Variants in SPNS3 observed in about 807,000 individuals in gnomAD.
SPNS3 encodes SPNS lysolipid transporter 3, sphingosine-1-phosphate (putative).
SPNS3 carries 51 observed loss-of-function variants against 54.4 expected under a neutral mutation model. That is an observed-to-expected ratio of 0.94 (90% confidence interval 0.75 to 1.18). The LOEUF is 1.18. Among genes scored for constraint, SPNS3 ranks in the 50% most tolerant of loss-of-function variants. SPNS3 has a pLI of 0.00. For synonymous variants in SPNS3, 309 were observed against 294.7 expected (o/e 1.05, Z -0.50); for missense variants, 669 against 677.4 (o/e 0.99, Z 0.14).
At chr17:4,434,191 G>A (rs753894108) in intron 1 of SPNS3, 25 bp downstream of exon 1, 3 of 1,587,704 alleles carry the variant, frequency 1.9e-6, no homozygotes, top group African/African-American at 1.4e-5. Flanking sequence ...GCTACCCTGG[G>A]CAGTACCTGC....
intron 8 of SPNS3, among the ~76,000 whole-genome samples, chr17:4,462,806 AATCT>A (rs1425236659): frequency 6.7e-5 from 3 of 44,796 alleles, no homozygotes; most frequent in Admixed American, 2.5e-4. Context: ...TCCATCCACC[AATCT>A]ATCCATCCAT....
chr17:4,476,337 A>C (rs564651269), intron 8 of SPNS3, among the ~76,000 whole-genome samples: 3 of 152,176 alleles, frequency 2.0e-5, no homozygotes, highest in Admixed American at 2.0e-4. Flanking sequence ...CCTCCCTCTG[A>C]TGGGCTCTAT....
In SPNS3 at chr17:4,478,477, G is replaced by T. The variant is rs1484282400; in HGVS notation, c.1114-95G>T. The T allele has an allele frequency of 2.9e-5, 32 of 1,100,178 alleles. No individual in the cohort carries two copies. The South Asian group carries it at 4.3e-4, about 15-fold the overall frequency. The allele number at this position is 1,100,178 out of a possible 1,614,324, so 68.2% of individuals were successfully genotyped here. On this transcript the variant is annotated intron_variant, in intron 8 of 11. Transcript: ENST00000355530. The stretch of plus-strand genomic sequence containing the variant: ...AGTCTCAATAATGCCTTTCTCTGTA[G>T]CGTCCCAGTCTCTCCTCTCCACAGG...
chr17:4,448,206 C>T lies in SPNS3; in HGVS notation c.673C>T (p.Pro225Ser), dbSNP rs1357033682. 1 of 1,605,430 alleles carries T rather than the reference C, an allele frequency of 6.2e-7. No homozygotes were observed. Among genetic ancestry groups the T allele is most frequent in the Admixed American group, 1.7e-5 (1 of 58,538 alleles). The change falls in exon 6 of 12, where the codon CCA (proline) becomes TCA (serine). Residue 225 changes from proline (P) to serine (S), a missense_variant. By Grantham distance (74) the Pro-to-Ser change is moderately conservative. Coordinates refer to ENST00000355530, the MANE Select transcript of SPNS3 (RefSeq NM_182538.5). ...CTTGATCCTGCTTATCCTGCTGGTT[C>T]CAGACCCACCCCGGGGAGCTGCCGA... ...VALILLILLV[P>S]DPPRGAAETQ...
chr17:4,450,856 C>T (rs1000153229), intron 7 of SPNS3, among the ~76,000 whole-genome samples: 2 of 151,518 alleles, frequency 1.3e-5, no homozygotes, highest in East Asian at 3.9e-4. Flanking sequence ...GACTGGCCCG[C>T]CTCAGCCTCC....
At chr17:4,455,157 G>A (rs112107635) in intron 8 of SPNS3, among the ~76,000 whole-genome samples, 5 of 151,942 alleles carry the variant, frequency 3.3e-5, no homozygotes, top group East Asian at 1.9e-4. Flanking sequence ...CAGGCGATCC[G>A]CCTGTCTCGG....
At chr17:4,449,499 C>T in intron 7 of SPNS3, 112 bp downstream of exon 7, 3 of 1,308,672 alleles carry the variant, frequency 2.3e-6, no homozygotes, top group South Asian at 3.1e-5. Context: ...GCATTTGGTG[C>T]TGTGTGAAGA....
chr17:4,447,444 A>G (rs1172612988), intron 5 of SPNS3, among the ~76,000 whole-genome samples: 1 of 152,174 alleles, frequency 6.6e-6, no homozygotes, highest in Non-Finnish European at 1.5e-5. Flanking sequence ...GTGGGCATGG[A>G]GAGGGACCAT....
chr17:4,463,396 C>CAAAA (rs368770425), intron 8 of SPNS3, among the ~76,000 whole-genome samples: 11 of 122,162 alleles, frequency 9.0e-5, no homozygotes, highest in African/African-American at 2.1e-4. Context: ...GACTCTGTCT[C>CAAAA]AAAAAAAAAA....
Position 4,486,449 on chromosome 17 carries a change from A to G in SPNS3, c.1316A>G (p.Tyr439Cys). 1.2e-6 allele frequency: 2 copies of G among 1,612,476 alleles called. No homozygotes were observed. Among genetic ancestry groups the G allele is most frequent in the Admixed American group, 3.3e-5 (2 of 59,890 alleles). Reference sequence around the variant, plus strand: ...CTGCGGGCCAGGCGCCCTGACTCCTATCTGCAGCGCTTCCGCAGCCTGCAG... The same window carrying G: ...CTGCGGGCCAGGCGCCCTGACTCCTGTCTGCAGCGCTTCCGCAGCCTGCAG... ...SVLRARRPDS[Y>C]LQRFRSLQQS... Residue 439 changes from tyrosine to cysteine, a missense_variant, in exon 11 of 12, where the codon TAT (tyrosine) becomes TGT (cysteine). Tyr to Cys is a radical substitution (Grantham distance 194). Transcript: ENST00000355530. This position sits in a 1 kb window ranked among gnomAD's most constrained non-coding sequence, Gnocchi z 5.5.
chr17:4,446,381 G>A (rs1002165204), intron 4 of SPNS3, among the ~76,000 whole-genome samples, 182 bp downstream of exon 4: 1 of 152,148 alleles, frequency 6.6e-6, no homozygotes, highest in African/African-American at 2.4e-5. Context: ...ATCTGTAAAC[G>A]GGGGCAGTGA....
At chr17:4,437,591 C>G (rs8064762) in intron 1 of SPNS3, among the ~76,000 whole-genome samples, 24,481 of 151,670 alleles carry the variant, frequency 0.16, 2,267 homozygotes, top group Non-Finnish European at 0.21. Context: ...TGCCTGAACC[C>G]AGGAGGCAGA....
At chr17:4,474,320 C>T (rs1170463052) in intron 8 of SPNS3, among the ~76,000 whole-genome samples, 3 of 152,232 alleles carry the variant, frequency 2.0e-5, no homozygotes, top group East Asian at 3.8e-4. Flanking sequence ...GCGTGCCAGA[C>T]GGTGCAGCAG....
chr17:4,434,246 C>T (rs1970658421), intron 1 of SPNS3, 80 bp downstream of exon 1: 1 of 1,346,454 alleles, frequency 7.4e-7, no homozygotes, highest in Admixed American at 2.0e-5. Flanking sequence ...GGTGGCCTTC[C>T]AGCCATCACC....
chr17:4,482,549 G>C (rs543257313), intron 9 of SPNS3: 7 of 152,054 alleles, frequency 4.6e-5, no homozygotes, highest in African/African-American at 1.4e-4. Flanking sequence ...TGGGGAGCTC[G>C]TTCTGCATAC....
chr17:4,437,872 C>T lies in SPNS3; in HGVS notation c.200-1786C>T, dbSNP rs552289570. 7.3e-5 allele frequency among the ~76,000 whole-genome samples: 11 copies of T among 151,516 alleles called. No individual in the cohort carries two copies. The East Asian group carries it at 2.0e-3, about 27-fold the overall frequency. On this transcript the variant is annotated intron_variant, in intron 1 of 11. Transcript: ENST00000355530. ...CATGATCTCAGCTCACTGCAACCTC[C>T]GCCTCCCAGGTTCAAGCGATTCTCC...
intron 8 of SPNS3, among the ~76,000 whole-genome samples, chr17:4,455,928 T>C (rs1248740919): frequency 7.1e-6 from 1 of 141,288 alleles, no homozygotes; most frequent in East Asian, 2.1e-4. Context: ...GGGGGGGGGG[T>C]GAGTGTCACC....
chr17:4,444,110 A>C (rs1463939751), intron 2 of SPNS3, among the ~76,000 whole-genome samples: 1 of 152,200 alleles, frequency 6.6e-6, no homozygotes, highest in Non-Finnish European at 1.5e-5. Flanking sequence ...CAAAAAGTAA[A>C]ATAAAAGTAT....
At chr17:4,459,810 G>C (rs1415238580) in intron 8 of SPNS3, among the ~76,000 whole-genome samples, 1 of 152,178 alleles carries the variant, frequency 6.6e-6, no homozygotes. Context: ...CTAGTTGAGG[G>C]AGATAGATAA....
Sources: gnomAD v4.1 joint callset for allele counts (sites outside exome capture counted in the v4.1 genomes callset) on GRCh38, gnomAD v4.1.1 for gene constraint, Gnocchi (gnomAD v3.1) non-coding constraint, MANE v1.5 for transcripts, NCBI Gene and HGNC (gene_info 2026-07-23, HGNC 2026-07-21) for gene names.